The following TVP23A variants were observed in gnomAD, a reference collection of about 807,000 sequenced individuals.
TVP23A encodes the protein Golgi apparatus membrane protein TVP23 homolog A.
In TVP23A, 21 loss-of-function variants were observed where a neutral mutation model predicts 31.7. That is an observed-to-expected ratio of 0.66 (90% confidence interval 0.47 to 0.95). The LOEUF is 0.95. Ranked by LOEUF, TVP23A falls within the 40% of genes least tolerant of loss-of-function variation. The pLI, the probability that TVP23A is intolerant of heterozygous loss-of-function variation, is 0.00. For missense variants in TVP23A, 279 were observed against 255.6 expected (o/e 1.09, Z -0.62); for synonymous variants, 104 against 96.0 (o/e 1.08, Z -0.49).
At chr16:10,816,548 G>A (rs2034447442) in intron 2 of TVP23A, among the ~76,000 whole-genome samples, 1 of 151,982 alleles carries the variant, frequency 6.6e-6, no homozygotes, top group South Asian at 2.1e-4. Context: ...TGGCCAGGCT[G>A]GTCACAAACT....
At chr16:10,804,503 C>T (rs772557341) in intron 2 of TVP23A, among the ~76,000 whole-genome samples, 9 of 152,166 alleles carry the variant, frequency 5.9e-5, no homozygotes, top group African/African-American at 2.2e-4. Flanking sequence ...ATCCCAGCAC[C>T]TTGGGAGGCC....
rs767742603 is a variant in TVP23A, at chr16:10,801,799, A to G, written c.89+16304T>C. ...AAAAATTACTCTAAAGGACAATGGA[A>G]TATGAACTACAGATTAGATAGTCTC... is the stretch of plus-strand genomic sequence containing the variant. On this transcript the variant is annotated intron_variant, in intron 2 of 7. Transcript: ENST00000299866. 2.0e-5 allele frequency among the ~76,000 whole-genome samples: 3 copies of G among 152,296 alleles called. No homozygotes were observed. The South Asian group carries it at 6.2e-4, about 32-fold the overall frequency.
chr16:10,783,308 T>C (rs1046223961), intron 2 of TVP23A, among the ~76,000 whole-genome samples: 3 of 152,170 alleles, frequency 2.0e-5, no homozygotes, highest in African/African-American at 4.8e-5. Context: ...AAAACTTACG[T>C]CTGCACAAAA....
chr16:10,774,281 G>A (rs974596120), intron 3 of TVP23A, among the ~76,000 whole-genome samples, 153 bp from the exon 4 acceptor site: 1 of 152,104 alleles, frequency 6.6e-6, no homozygotes, highest in African/African-American at 2.4e-5. Flanking sequence ...CAGATGTCAA[G>A]ACTTCTAGTT....
chr16:10,763,350 TA>T (rs1180872347), downstream of TVP23A, among the ~76,000 whole-genome samples: 3 of 150,922 alleles, frequency 2.0e-5, no homozygotes, highest in South Asian at 2.1e-4. Flanking sequence ...GAGGAAGTGG[TA>T]GGGGGGTAGG....
chr16:10,817,049 G>A (rs1448857636), intron 2 of TVP23A, among the ~76,000 whole-genome samples: 4 of 151,974 alleles, frequency 2.6e-5, no homozygotes, highest in Non-Finnish European at 5.9e-5. Flanking sequence ...GCCACAGAAT[G>A]CCAGCAGTCA....
chr16:10,757,698 C>T (rs115724994), downstream of TVP23A, among the ~76,000 whole-genome samples: 515 of 152,102 alleles, frequency 3.4e-3, 1 homozygote, highest in Non-Finnish European at 5.8e-3. The surrounding 1 kb of genome is among the most constrained non-coding windows in gnomAD (Gnocchi z 4.1). Flanking sequence ...CACAGTGGCA[C>T]GCACTTATAG....
At chr16:10,800,289 A>G (rs1258602343) in intron 2 of TVP23A, 1 of 152,086 alleles carries the variant, frequency 6.6e-6, no homozygotes, top group Non-Finnish European at 1.5e-5. Context: ...AAGGCAGCAA[A>G]TACTCACTTG....
chr16:10,761,397 A>C, exon 9 of TVP23A: 1 of 1,614,134 alleles, frequency 6.2e-7, no homozygotes, highest in Non-Finnish European at 8.5e-7. Context: ...GAAAGAAATC[A>C]ACTTCTGCCG....
At chr16:10,800,417 G>A (rs992633180) in intron 2 of TVP23A, 4 of 152,170 alleles carry the variant, frequency 2.6e-5, no homozygotes, top group Non-Finnish European at 5.9e-5. Context: ...ACCAGGGTGT[G>A]TCTACTAATG....
intron 2 of TVP23A, among the ~76,000 whole-genome samples, chr16:10,814,511 C>T (rs1007155372): frequency 6.6e-6 from 1 of 152,110 alleles, no homozygotes; most frequent in Non-Finnish European, 1.5e-5. Flanking sequence ...TTCTACCTCC[C>T]CTGTGCCTCT....
intron 2 of TVP23A, among the ~76,000 whole-genome samples, chr16:10,791,980 G>A (rs1440178663): frequency 2.6e-5 from 4 of 152,204 alleles, no homozygotes; most frequent in African/African-American, 7.2e-5. Context: ...GCCCATTTGT[G>A]TAATAAGATT....
intron 2 of TVP23A, among the ~76,000 whole-genome samples, chr16:10,785,621 T>G (rs1312797264): frequency 6.6e-6 from 1 of 152,244 alleles, no homozygotes; most frequent in Non-Finnish European, 1.5e-5. Context: ...CAGGAGATCC[T>G]GACAACATGT....
chr16:10,816,624 C>T (rs1674100857), intron 2 of TVP23A, among the ~76,000 whole-genome samples: 1 of 152,072 alleles, frequency 6.6e-6, no homozygotes, highest in African/African-American at 2.4e-5. Flanking sequence ...AGGTGTGAGC[C>T]ATGCACTCAG....
chr16:10,762,522 C>A (rs978540753), downstream of TVP23A, among the ~76,000 whole-genome samples: 2 of 152,250 alleles, frequency 1.3e-5, no homozygotes, highest in Non-Finnish European at 2.9e-5. Flanking sequence ...GCTGCTCCCC[C>A]AGGAGGCTGC....
downstream of TVP23A, chr16:10,761,810 G>A: frequency 3.7e-6 from 6 of 1,614,128 alleles, no homozygotes; most frequent in South Asian, 3.3e-5. Flanking sequence ...TCATGTGCCA[G>A]GACTTGGAGG....
At chr16:10,758,617 A>G (rs1040154060), downstream of TVP23A, among the ~76,000 whole-genome samples, 5 of 152,148 alleles carry the variant, frequency 3.3e-5, no homozygotes, top group Non-Finnish European at 7.4e-5. Context: ...GAAACTAGGG[A>G]AACCACCAGT....
At chr16:10,760,681 G>A (rs1393817976), downstream of TVP23A, among the ~76,000 whole-genome samples, 1 of 152,120 alleles carries the variant, frequency 6.6e-6, no homozygotes, top group Non-Finnish European at 1.5e-5. Context: ...AGGCTGCAGT[G>A]AGCAATGATT....
At position 10,767,631 on chromosome 16, in the gene TVP23A, TTCAC is replaced by T. The variant is rs1170400527; in HGVS notation, c.*1467_*1470del. 1.4e-5 allele frequency: 6 copies of T among 433,854 alleles called. No homozygotes were observed. Among genetic ancestry groups the T allele is most frequent in the Non-Finnish European group, 2.0e-5 (5 of 246,342 alleles). The allele number at this position is 433,854 out of a possible 1,614,324, so 26.9% of individuals were successfully genotyped here. A position where few individuals can be genotyped will look rare whatever the true frequency, so the allele number is the denominator to read the frequency against. The stretch of plus-strand genomic sequence containing the variant: ...TTTAACCATGTGCATTCATGATCCT[TTCAC>T]TCAAAAGCTAATCTCTTAAAATGCA... On this transcript the variant is annotated 3_prime_UTR_variant, in exon 8 of 8. Coordinates refer to ENST00000299866, the MANE Select transcript of TVP23A (RefSeq NM_001079512.4). This position sits in a 1 kb window ranked among gnomAD's most constrained non-coding sequence, Gnocchi z 4.6.
Sources: gnomAD v4.1 joint callset for allele counts (sites outside exome capture counted in the v4.1 genomes callset) on GRCh38, gnomAD v4.1.1 for gene constraint, Gnocchi (gnomAD v3.1) non-coding constraint, MANE v1.5 for transcripts, NCBI Gene and HGNC (gene_info 2026-07-23, HGNC 2026-07-21) for gene names.